Variants in NRCAM observed in about 807,000 individuals in gnomAD.
The protein encoded by NRCAM is NgCAM-related cell adhesion molecule.
Under a neutral mutation model 156.5 loss-of-function variants are expected in NRCAM, and 83 were observed. That is an observed-to-expected ratio of 0.53 (90% CI 0.44 to 0.64). The LOEUF (loss-of-function observed/expected upper bound fraction) is 0.64. Among genes scored for constraint, NRCAM ranks in the 30% least tolerant of loss-of-function variants. The pLI is 0.00. For synonymous variants in NRCAM, 538 were observed against 563.9 expected (o/e 0.95, Z 0.65); for missense variants, 1,417 against 1,597.3 (o/e 0.89, Z 1.92).
chr7:108,338,516 G>A (rs1263510347), intron 2 of NRCAM, among the ~76,000 whole-genome samples: 1 of 152,064 alleles, frequency 6.6e-6, no homozygotes, highest in African/African-American at 2.4e-5. Flanking sequence ...ACCCTTGCCA[G>A]GGCCCCAAGT....
intron 1 of NRCAM, among the ~76,000 whole-genome samples, chr7:108,455,587 G>A (rs1200480707): frequency 2.0e-5 from 3 of 152,120 alleles, no homozygotes; most frequent in Non-Finnish European, 2.9e-5. Context: ...TCTGTCCTCC[G>A]TGTCTCTCTC....
intron 3 of NRCAM, among the ~76,000 whole-genome samples, chr7:108,283,505 T>C (rs2097938834): frequency 6.6e-6 from 1 of 152,244 alleles, no homozygotes; most frequent in South Asian, 2.1e-4. Context: ...GAGCAGGAGA[T>C]GCGAATGAGG....
intron 11 of NRCAM, among the ~76,000 whole-genome samples, chr7:108,221,138 C>T (rs187071180): frequency 3.4e-4 from 52 of 152,184 alleles, no homozygotes; most frequent in Admixed American, 9.8e-4. Flanking sequence ...AAATCAAAAC[C>T]GCAATGCAAT....
intron 1 of NRCAM, among the ~76,000 whole-genome samples, chr7:108,413,209 T>C (rs1797554636): frequency 6.6e-6 from 1 of 152,244 alleles, no homozygotes; most frequent in Admixed American, 6.5e-5. Flanking sequence ...TTCATCTTTT[T>C]GATAATAGTC....
chr7:108,180,190 T>A (rs370165858), intron 25 of NRCAM, 33 bp downstream of exon 25: 28 of 1,588,686 alleles, frequency 1.8e-5, no homozygotes, highest in Non-Finnish European at 2.3e-5. Flanking sequence ...TGCCATATGT[T>A]CCTGAGATCT....
Position 108,422,287 on chromosome 7 carries a change from GC to G in NRCAM, c.-331-22695del, listed in dbSNP as rs559053103. On this transcript the variant is annotated intron_variant, in intron 1 of 32. Transcript: ENST00000379028. ...AGCTAACATTTATTTAGTGCTATAT[GC>G]CAGGCAGTGCAGTAAACACTTTACA... Among the ~76,000 whole-genome samples the G allele has an allele frequency of 8.4e-4, 128 of 152,232 alleles. 1 individual carries two copies. Among genetic ancestry groups the G allele is most frequent in the Admixed American group, 7.1e-3 (109 of 15,288 alleles).
At chr7:108,299,179 G>A (rs2098539796) in intron 3 of NRCAM, among the ~76,000 whole-genome samples, 1 of 146,760 alleles carries the variant, frequency 6.8e-6, no homozygotes, top group South Asian at 2.2e-4. Flanking sequence ...AACACTGGGT[G>A]AGGACGCAAA....
In NRCAM at chr7:108,366,148, G is replaced by A. The variant is rs145149524; in HGVS notation, c.-174+33288C>T. 1.6e-3 allele frequency among the ~76,000 whole-genome samples: 242 copies of A among 152,260 alleles called. 1 individual carries two copies. The highest frequency in any genetic ancestry group is 5.3e-3 in the African/African-American group (221 of 41,548). ...CCCTCACCAGTCACTGACTCTGTCC[G>A]TGCCTTTCTCGGACTTCCCAGCCCC... On this transcript the variant is annotated intron_variant, in intron 2 of 32. Coordinates refer to ENST00000379028, the MANE Select transcript of NRCAM (RefSeq NM_001037132.4).
chr7:108,324,977 T>G (rs982528079), intron 2 of NRCAM, among the ~76,000 whole-genome samples: 4 of 143,736 alleles, frequency 2.8e-5, no homozygotes, highest in African/African-American at 7.7e-5. Flanking sequence ...CCTGATTACT[T>G]AAAAACAATA....
At chr7:108,246,353 C>T (rs943837419) in intron 3 of NRCAM, among the ~76,000 whole-genome samples, 1 of 152,156 alleles carries the variant, frequency 6.6e-6, no homozygotes, top group African/African-American at 2.4e-5. Flanking sequence ...TGTGAGTTGA[C>T]TTGGCTGCTT....
intron 11 of NRCAM, among the ~76,000 whole-genome samples, chr7:108,222,642 A>G (rs916761906): frequency 6.6e-6 from 1 of 152,036 alleles, no homozygotes; most frequent in African/African-American, 2.4e-5. Flanking sequence ...GGAGCTGAGT[A>G]ATGCATAGTA....
chr7:108,357,334 C>CTTTT (rs35117899), intron 2 of NRCAM, among the ~76,000 whole-genome samples: 8 of 141,602 alleles, frequency 5.6e-5, no homozygotes, highest in East Asian at 2.1e-4. Context: ...GTGGGGCCAA[C>CTTTT]TTTTTTTTTT....
intron 13 of NRCAM, among the ~76,000 whole-genome samples, chr7:108,200,846 G>T (rs1286526068): frequency 1.3e-5 from 2 of 151,032 alleles, no homozygotes; most frequent in Non-Finnish European, 2.9e-5. Context: ...CAACCTAGAT[G>T]GAATTGGAGA....
chr7:108,337,501 G>A (rs2099211217), intron 2 of NRCAM, among the ~76,000 whole-genome samples: 2 of 152,208 alleles, frequency 1.3e-5, no homozygotes, highest in South Asian at 2.1e-4. Context: ...ATCCAGCGAG[G>A]GGCCCATTGC....
chr7:108,170,265 G>A (rs917106344), intron 28 of NRCAM, among the ~76,000 whole-genome samples: 7 of 152,118 alleles, frequency 4.6e-5, no homozygotes, highest in Admixed American at 1.3e-4. Context: ...GAACCTGGAG[G>A]ATACTATGCT....
intron 3 of NRCAM, among the ~76,000 whole-genome samples, chr7:108,307,750 G>C (rs2098739229): frequency 6.6e-6 from 1 of 151,318 alleles, no homozygotes; most frequent in African/African-American, 2.4e-5. Context: ...TGCATTACCA[G>C]CAGGGGCCTG....
chr7:108,346,223 G>A (rs561439141), intron 2 of NRCAM, among the ~76,000 whole-genome samples: 70 of 152,232 alleles, frequency 4.6e-4, no homozygotes, highest in African/African-American at 1.6e-3. Flanking sequence ...CATCCAATCC[G>A]TTATTTTACG....
chr7:108,382,190 G>A (rs538938043), intron 2 of NRCAM, among the ~76,000 whole-genome samples: 12 of 151,944 alleles, frequency 7.9e-5, no homozygotes, highest in African/African-American at 2.7e-4. Context: ...GCTTTCCGGA[G>A]GAGGGAGATT....
At chr7:108,248,222 C>T (rs1203134111) in intron 3 of NRCAM, among the ~76,000 whole-genome samples, 1 of 152,118 alleles carries the variant, frequency 6.6e-6, no homozygotes, top group Non-Finnish European at 1.5e-5. Flanking sequence ...ACCTTATCCA[C>T]TTGTCAAGAA....
Sources: gnomAD v4.1 joint callset for allele counts (sites outside exome capture counted in the v4.1 genomes callset) on GRCh38, gnomAD v4.1.1 for gene constraint, MANE v1.5 for transcripts, NCBI Gene and HGNC (gene_info 2026-07-23, HGNC 2026-07-21) for gene names.